PCDH11X: variants seen among roughly 807,000 people sequenced by gnomAD.
PCDH11X encodes the protein protocadherin-11 X-linked.
PCDH11X carries 18 observed loss-of-function variants against 53.3 expected under a neutral mutation model. The ratio of observed to expected loss-of-function variants is 0.34; its 90% CI spans 0.23 to 0.50. The LOEUF (loss-of-function observed/expected upper bound fraction) is 0.50. Ranked by LOEUF, PCDH11X falls within the 20% of genes least tolerant of loss-of-function variation. The pLI is 0.98. For missense variants in PCDH11X, 570 were observed against 1,032.4 expected (o/e 0.55, Z 6.14); for synonymous variants, 279 against 393.3 (o/e 0.71, Z 3.44).
chrX:91,978,724 T>C (rs1425400933), intron 6 of PCDH11X, among the ~76,000 whole-genome samples: 1 of 112,139 alleles, frequency 8.9e-6, no homozygotes, highest in Admixed American at 9.5e-5. Flanking sequence ...TCATCTTACA[T>C]CTTTACCCTC....
At chrX:92,134,001 G>C (rs1361499188) in intron 6 of PCDH11X, among the ~76,000 whole-genome samples, 1 of 111,686 alleles carries the variant, frequency 9.0e-6, no homozygotes, top group East Asian at 2.8e-4. Context: ...GGAAAGGTGG[G>C]ACAACTTGAA....
intron 8 of PCDH11X, among the ~76,000 whole-genome samples, chrX:92,384,441 C>T (rs887204464): frequency 1.8e-5 from 2 of 111,780 alleles, no homozygotes; most frequent in Admixed American, 9.6e-5. Flanking sequence ...TAGACAGAGC[C>T]GATTTATCAA....
chrX:92,376,878 C>A (rs1475598745), intron 8 of PCDH11X, among the ~76,000 whole-genome samples: 1 of 111,660 alleles, frequency 9.0e-6, no homozygotes, highest in African/African-American at 3.2e-5. Context: ...AACTCCTGAC[C>A]CTTATGTCAG....
chrX:92,150,829 G>A (rs1458002225), intron 6 of PCDH11X, among the ~76,000 whole-genome samples: 9 of 109,541 alleles, frequency 8.2e-5, no homozygotes, highest in Admixed American at 2.9e-4. Context: ...TAAATTTCAC[G>A]TTCCAATTAT....
rs773330820 is a variant in PCDH11X at position 92,485,641 on chromosome X, G to GA, written c.3367+17323dup. On this transcript the variant is annotated intron_variant, in intron 10 of 10. Coordinates refer to ENST00000682573, the MANE Select transcript of PCDH11X (RefSeq NM_032968.5). ...AACTTAGAAGAAACATTTCTTACTA[G>GA]AAAAGAACATCTTGTAGTTCTCGAA... Among the ~76,000 whole-genome samples the GA allele has an allele frequency of 8.1e-5, 9 of 111,792 alleles. No homozygotes were observed. The East Asian group carries it at 2.2e-3, about 28-fold the overall frequency.
At position 91,947,023 on chromosome X, in the gene PCDH11X, G is replaced by T. The variant is rs1042081566; in HGVS notation, c.3033+67750G>T. Among the ~76,000 whole-genome samples the T allele has an allele frequency of 4.3e-4, 44 of 103,199 alleles. No homozygotes were observed. The South Asian group carries it at 5.2e-3, about 12-fold the overall frequency. The allele number at this position is 103,199 out of a possible 115,157, so 89.6% of individuals were successfully genotyped here. A position where few individuals can be genotyped will look rare whatever the true frequency, so the allele number is the denominator to read the frequency against. On this transcript the variant is annotated intron_variant, in intron 6 of 10. Transcript: ENST00000682573. ...AGAAAATGATAAACCCCAGGTATAT[G>T]TAGTACAAAGCTGATCCTGGGTAAT...
At chrX:91,825,625 T>A (rs896087722) in intron 4 of PCDH11X, among the ~76,000 whole-genome samples, 1 of 110,111 alleles carries the variant, frequency 9.1e-6, no homozygotes, top group Non-Finnish European at 1.9e-5. Flanking sequence ...AATGCAGAAA[T>A]CACCTGTCTT....
At position 92,084,375 on chromosome X, in the gene PCDH11X, C is replaced by T. The variant is rs780090718; in HGVS notation, c.3034-117000C>T. ...CCAGCCTGACCAACATGGAGAAACC[C>T]GGTCTCTACTAAAAATACAAAATTA... is the stretch of plus-strand genomic sequence containing the variant. On this transcript the variant is annotated intron_variant, in intron 6 of 10. Transcript: ENST00000682573. Among the ~76,000 whole-genome samples the T allele has an allele frequency of 8.3e-5, 9 of 108,127 alleles. No homozygotes were observed. The South Asian group carries it at 2.9e-3, about 35-fold the overall frequency. The allele number at this position is 108,127 out of a possible 115,157, so 93.9% of individuals were successfully genotyped here.
At chrX:92,242,551 A>T (rs2067279631) in intron 7 of PCDH11X, among the ~76,000 whole-genome samples, 1 of 111,650 alleles carries the variant, frequency 9.0e-6, no homozygotes, top group African/African-American at 3.3e-5. Flanking sequence ...GCTGTTTTGA[A>T]TTTTTGGTTA....
At position 91,902,390 on chromosome X, in the gene PCDH11X, T is replaced by C. The variant is rs775904762; in HGVS notation, c.3033+23117T>C. Reference sequence around the variant, plus strand: ...ATTTTTCCTCATTCATTCACTCCTTTTGAAGTTCTATTTTCTTAGCTTGCA... The same window carrying C: ...ATTTTTCCTCATTCATTCACTCCTTCTGAAGTTCTATTTTCTTAGCTTGCA... On this transcript the variant is annotated intron_variant, in intron 6 of 10. Transcript: ENST00000682573. 2.7e-5 allele frequency among the ~76,000 whole-genome samples: 3 copies of C among 109,539 alleles called. No homozygotes were observed. The South Asian group carries it at 1.2e-3, about 44-fold the overall frequency.
Position 92,054,656 on chromosome X carries a change from A to C in PCDH11X, c.3034-146719A>C, listed in dbSNP as rs191404204. On this transcript the variant is annotated intron_variant, in intron 6 of 10. Coordinates refer to ENST00000682573, the MANE Select transcript of PCDH11X (RefSeq NM_032968.5). ...ACCAACATGGAGAAACCCTGCCTCT[A>C]CTAAAAATACAAAATTAGCTGGGCA... Among the ~76,000 whole-genome samples the C allele has an allele frequency of 5.8e-3, 637 of 109,826 alleles. 2 individuals carry two copies. The highest frequency in any genetic ancestry group is 0.02 in the African/African-American group (617 of 30,242).
chrX:92,265,231 G>A lies in PCDH11X; in HGVS notation c.3144+2088G>A, dbSNP rs987653146. Among the ~76,000 whole-genome samples, 14 of 109,874 alleles carry A rather than the reference G, an allele frequency of 1.3e-4. No homozygotes were observed. The East Asian group carries it at 1.4e-3, about 11-fold the overall frequency. ...ATTATGTGTGTGAGCCACCGCACCC[G>A]GCCGATAAGCAGAATCTTTAAAGAG... On this transcript the variant is annotated intron_variant, in intron 8 of 10. Transcript: ENST00000682573.
chrX:92,018,135 A>T (rs2062827127), intron 6 of PCDH11X, among the ~76,000 whole-genome samples: 1 of 108,533 alleles, frequency 9.2e-6, no homozygotes, highest in South Asian at 4.1e-4. Context: ...AGCTGATGAG[A>T]GGTTCCTCAT....
chrX:91,917,408 A>G (rs1401466952), intron 6 of PCDH11X, among the ~76,000 whole-genome samples: 2 of 101,106 alleles, frequency 2.0e-5, no homozygotes, highest in African/African-American at 3.6e-5. Flanking sequence ...TATACCTAGA[A>G]AACCCTAAAG....
At chrX:92,122,490 A>G (rs1376616387) in intron 6 of PCDH11X, among the ~76,000 whole-genome samples, 6 of 111,917 alleles carry the variant, frequency 5.4e-5, no homozygotes, top group South Asian at 7.4e-4. Context: ...CATACTTAAC[A>G]TGCCTATTAT....
intron 8 of PCDH11X, among the ~76,000 whole-genome samples, chrX:92,331,332 TC>T (rs1295946196): frequency 1.7e-4 from 15 of 89,929 alleles, no homozygotes; most frequent in Admixed American, 3.9e-4. Context: ...TTCTTCTTCT[TC>T]CTTCCTTCCT....
chrX:92,137,248 T>G (rs1470253671), intron 6 of PCDH11X, among the ~76,000 whole-genome samples: 6 of 111,436 alleles, frequency 5.4e-5, no homozygotes, highest in Non-Finnish European at 1.1e-4. Flanking sequence ...AGTATTGTTA[T>G]AAAATAAACT....
chrX:91,893,031 C>A (rs1383466983), intron 6 of PCDH11X, among the ~76,000 whole-genome samples: 1 of 109,167 alleles, frequency 9.2e-6, no homozygotes, highest in Non-Finnish European at 1.9e-5. Context: ...TGAAACAAGT[C>A]GGCATGCTAT....
At chrX:91,852,904 T>C (rs1938113984) in intron 5 of PCDH11X, among the ~76,000 whole-genome samples, 1 of 102,338 alleles carries the variant, frequency 9.8e-6, no homozygotes, top group Admixed American at 1.1e-4. Flanking sequence ...TTTTGTATTT[T>C]ATAGAAAGAT....
Sources: allele counts gnomAD v4.1 joint callset (sites outside exome capture counted in the v4.1 genomes callset), GRCh38; gene constraint gnomAD v4.1.1; transcripts MANE v1.5; gene names NCBI Gene and HGNC (gene_info 2026-07-23, HGNC 2026-07-21).